The following DGKD variants were observed in gnomAD, a reference collection of about 807,000 sequenced individuals.
The protein encoded by DGKD is DAG kinase delta.
Under a neutral mutation model 154.4 loss-of-function variants are expected in DGKD, and 68 were observed. The observed-to-expected ratio is 0.44, with a 90% CI of 0.36 to 0.54. DGKD has a LOEUF of 0.54. Ranked by LOEUF, DGKD falls within the 20% of genes least tolerant of loss-of-function variation. The probability of loss-of-function intolerance (pLI) is 0.00; values close to 1 mark genes in which losing one functional copy is unlikely to be tolerated. For missense variants in DGKD, 1,343 were observed against 1,593.6 expected (o/e 0.84, Z 2.68); for synonymous variants, 693 against 638.0 (o/e 1.09, Z -1.30).
intron 3 of DGKD, among the ~76,000 whole-genome samples, chr2:233,430,236 C>T (rs937040819): frequency 2.0e-5 from 3 of 152,074 alleles, no homozygotes; most frequent in Non-Finnish European, 2.9e-5. Context: ...AGGAATTTAC[C>T]CCAGAGATAC....
In DGKD at chr2:233,438,486, AGAAAAGTT is replaced by A; in HGVS notation, c.1085+111_1085+118del. 1 of 1,352,756 alleles carries A rather than the reference AGAAAAGTT, an allele frequency of 7.4e-7. No homozygotes were observed. The allele number at this position is 1,352,756 out of a possible 1,614,324, so 83.8% of individuals were successfully genotyped here. A position where few individuals can be genotyped will look rare whatever the true frequency, so the allele number is the denominator to read the frequency against. ...AAAGACACAAAGCTTTAAATAGGAA[AGAAAAGTT>A]GAACTGCTTCCTTCCCAAATTGCAC... On this transcript the variant is annotated intron_variant, in intron 9 of 29. Transcript: ENST00000264057. The surrounding 1 kb of genome is among the most constrained non-coding windows in gnomAD (Gnocchi z 4.1).
At chr2:233,469,225 T>G (rs2063924530) in intron 29 of DGKD, 146 bp from the exon 30 acceptor site, 3 of 676,024 alleles carry the variant, frequency 4.4e-6, no homozygotes, top group Non-Finnish European at 7.9e-6. Context: ...TTAAGCTGTT[T>G]CCATCTTGTT....
At chr2:233,380,586 G>A (rs1287215719) in intron 1 of DGKD, among the ~76,000 whole-genome samples, 2 of 152,190 alleles carry the variant, frequency 1.3e-5, no homozygotes, top group Admixed American at 6.5e-5. Flanking sequence ...TGGGGCAGTG[G>A]GGATTAGCCC....
chr2:233,437,565 G>C (rs983288073), intron 8 of DGKD, 86 bp downstream of exon 8: 47 of 1,335,936 alleles, frequency 3.5e-5, no homozygotes, highest in Non-Finnish European at 4.6e-5. Flanking sequence ...TCTGGAGTTG[G>C]TTATCTTGGT....
chr2:233,429,017 T>A, intron 3 of DGKD: 1 of 627,532 alleles, frequency 1.6e-6, no homozygotes, highest in Non-Finnish European at 2.0e-6. Flanking sequence ...GTATCTTAAC[T>A]CACTGTCTTT....
chr2:233,366,897 A>G (rs1306440932), intron 1 of DGKD, among the ~76,000 whole-genome samples: 1 of 152,230 alleles, frequency 6.6e-6, no homozygotes, highest in Non-Finnish European at 1.5e-5. Flanking sequence ...GAGAAGCCCC[A>G]GAACCAGCAC....
chr2:233,388,763 T>TTTTG (rs1491316980), intron 2 of DGKD: 3 of 103,530 alleles, frequency 2.9e-5, no homozygotes, highest in African/African-American at 7.4e-5. Flanking sequence ...TTTTTTTTTT[T>TTTTG]GAGAGGGAGT....
chr2:233,355,286 C>G (rs1475309181), intron 1 of DGKD, among the ~76,000 whole-genome samples: 1 of 152,240 alleles, frequency 6.6e-6, no homozygotes, highest in East Asian at 1.9e-4. Context: ...TGGCACCCAA[C>G]TCTCCACGGA....
In DGKD at chr2:233,460,235, G is replaced by A. The variant is rs1294085706; in HGVS notation, c.2871G>A (p.Lys957=). The change falls in exon 24 of 30, where the codon AAG becomes AAA. Residue 957 remains lysine, a synonymous_variant. Coordinates refer to ENST00000264057, the MANE Select transcript of DGKD (RefSeq NM_152879.3). The part of the protein sequence containing the change: ...STLKSWEDKQ[K]CELPRPPSCS... ...TGAAGTCCTGGGAAGACAAGCAGAAGTGCGAGCTGCCCCGCCCTCCATCCT... is the reference window on the plus strand; with the variant it reads ...TGAAGTCCTGGGAAGACAAGCAGAAATGCGAGCTGCCCCGCCCTCCATCCT... The A allele has an allele frequency of 1.2e-6, 2 of 1,614,016 alleles. No individual in the cohort carries two copies. The highest frequency in any genetic ancestry group is 1.7e-6 in the Non-Finnish European group (2 of 1,179,984).
At chr2:233,448,921 C>T (rs536946999) in intron 14 of DGKD, among the ~76,000 whole-genome samples, 182 bp from the exon 15 acceptor site, 1 of 152,154 alleles carries the variant, frequency 6.6e-6, no homozygotes, top group Admixed American at 6.5e-5. Context: ...CCTGCCAGGG[C>T]GGGAAAGGTG....
rs1027428221 is a variant in DGKD at position 233,449,696 on chromosome 2, G to C, written c.1889-286G>C. Among the ~76,000 whole-genome samples, 1 of 152,114 alleles carries C rather than the reference G, an allele frequency of 6.6e-6. No homozygotes were observed. Among genetic ancestry groups the C allele is most frequent in the East Asian group, 1.9e-4 (1 of 5,162 alleles). ...CGCACACCTGCGTGTCCATGCAGCCGCTCCTCCCGCTTGCAGCCCTCCAGC... is the reference window on the plus strand; with the variant it reads ...CGCACACCTGCGTGTCCATGCAGCCCCTCCTCCCGCTTGCAGCCCTCCAGC... On this transcript the variant is annotated intron_variant, in intron 15 of 29. Coordinates refer to ENST00000264057, the MANE Select transcript of DGKD (RefSeq NM_152879.3). The surrounding 1 kb of genome is among the most constrained non-coding windows in gnomAD (Gnocchi z 5.3).
rs571252732 is a variant in DGKD, at chr2:233,458,271, G to A, written c.2581-13G>A. 1.5e-5 allele frequency: 24 copies of A among 1,590,750 alleles called. No individual in the cohort carries two copies. In the East Asian group the frequency reaches 3.6e-4, roughly 24 times the overall value. On this transcript the variant is annotated splice_polypyrimidine_tract_variant and intron_variant, in intron 21 of 29. Coordinates refer to ENST00000264057, the MANE Select transcript of DGKD (RefSeq NM_152879.3). The surrounding 1 kb of genome is among the most constrained non-coding windows in gnomAD (Gnocchi z 6.6). The stretch of plus-strand genomic sequence containing the variant: ...GTGTGGAGTGGTGGTCAGCTCTAAC[G>A]TGTCCCTTGCAGACTTTCGCAGCTC...
At chr2:233,396,029 A>G (rs1704002409) in intron 3 of DGKD, among the ~76,000 whole-genome samples, 1 of 152,244 alleles carries the variant, frequency 6.6e-6, no homozygotes, top group African/African-American at 2.4e-5. Flanking sequence ...TGGAAGAAAA[A>G]TAATGCAAAA....
intron 2 of DGKD, 67 bp from the exon 3 acceptor site, chr2:233,390,336 C>T (rs1245031243): frequency 9.6e-6 from 12 of 1,244,280 alleles, no homozygotes; most frequent in Middle Eastern, 1.9e-4. Flanking sequence ...TGGTGGGCAG[C>T]GCTGGCTAGT....
At chr2:233,403,019 G>C (rs989792511) in intron 3 of DGKD, among the ~76,000 whole-genome samples, 2 of 152,138 alleles carry the variant, frequency 1.3e-5, no homozygotes, top group Non-Finnish European at 2.9e-5. Flanking sequence ...AGCCTTGGGA[G>C]GGGAGGTAAG....
intron 1 of DGKD, among the ~76,000 whole-genome samples, chr2:233,362,555 G>T (rs762301975): frequency 4.3e-4 from 66 of 152,184 alleles, no homozygotes; most frequent in Non-Finnish European, 5.3e-4. Context: ...GGAGGCTGAG[G>T]CAGGAGCATC....
intron 10 of DGKD, among the ~76,000 whole-genome samples, chr2:233,444,139 T>C (rs2062987436): frequency 6.6e-6 from 1 of 152,150 alleles, no homozygotes; most frequent in African/African-American, 2.4e-5. Flanking sequence ...TCCTAGTGCC[T>C]CGAGTTTCCA....
chr2:233,402,164 G>C (rs1304394102), intron 3 of DGKD, among the ~76,000 whole-genome samples: 1 of 152,170 alleles, frequency 6.6e-6, no homozygotes, highest in Non-Finnish European at 1.5e-5. Context: ...CCTCAGGGAA[G>C]CCTTCCTGTT....
chr2:233,445,574 C>A lies in DGKD; in HGVS notation c.1195-49C>A. On this transcript the variant is annotated intron_variant, in intron 10 of 29. Coordinates refer to ENST00000264057, the MANE Select transcript of DGKD (RefSeq NM_152879.3). The surrounding 1 kb of genome is among the most constrained non-coding windows in gnomAD (Gnocchi z 5.5). ...AGGAGGGCTGCGGGCTGGGAAGTGGCCCCTGCCCCCAGGTGTTTGCCTGCG... is the reference window on the plus strand; with the variant it reads ...AGGAGGGCTGCGGGCTGGGAAGTGGACCCTGCCCCCAGGTGTTTGCCTGCG... The A allele has an allele frequency of 6.5e-7, 1 of 1,539,126 alleles. No individual in the cohort carries two copies. Among genetic ancestry groups the A allele is most frequent in the Non-Finnish European group, 8.8e-7 (1 of 1,140,956 alleles).
Sources: allele counts gnomAD v4.1 joint callset (sites outside exome capture counted in the v4.1 genomes callset), GRCh38; gene constraint gnomAD v4.1.1; non-coding constraint Gnocchi (gnomAD v3.1); transcripts MANE v1.5; gene names NCBI Gene and HGNC (gene_info 2026-07-23, HGNC 2026-07-21).